Variants in FOCAD observed in about 807,000 individuals in gnomAD.
FOCAD encodes the protein KIAA1797.
In FOCAD, 198 loss-of-function variants were observed where a neutral mutation model predicts 225.6. The observed-to-expected ratio is 0.88, with a 90% CI of 0.78 to 0.99. The LOEUF is 0.99. FOCAD is among the 50% of genes least tolerant of loss of function. The pLI is 0.00. For missense variants in FOCAD, 2,713 were observed against 2,123.6 expected, an observed-to-expected ratio of 1.28 and a Z score of -5.46; for synonymous variants, 897 against 755.0, an observed-to-expected ratio of 1.19 and a Z score of -3.08.
intron 15 of FOCAD, among the ~76,000 whole-genome samples, chr9:20,851,530 A>T (rs911983678): frequency 6.6e-6 from 1 of 151,724 alleles, no homozygotes; most frequent in Non-Finnish European, 1.5e-5. Flanking sequence ...CTAATTTCCT[A>T]CCCGTTTTGA....
chr9:20,944,864 C>T (rs1157355810), intron 29 of FOCAD, 90 bp downstream of exon 29: 19 of 1,337,402 alleles, frequency 1.4e-5, no homozygotes, highest in Non-Finnish European at 1.7e-5. Context: ...TTTGGTAACC[C>T]TATAAATTAA....
chr9:20,730,149 A>T (rs1321310288), intron 4 of FOCAD, among the ~76,000 whole-genome samples: 1 of 152,030 alleles, frequency 6.6e-6, no homozygotes, highest in East Asian at 1.9e-4. Flanking sequence ...CTTAGGTGGG[A>T]TTGTGTTCTT....
In FOCAD at chr9:20,820,386, T is replaced by C. The variant is rs1824190633; in HGVS notation, c.1623T>C (p.Ala541=). Residue 541 remains alanine, a synonymous_variant, in exon 13 of 44, where the codon GCT becomes GCC. Transcript: ENST00000338382. ...QLLGTTPRLR[A]VTLRLLTSLW... ...TTGGAACCACACCACGACTAAGAGC[T>C]GTCACTTTGCGCTTGCTGACATCTT... 6.2e-7 allele frequency: 1 copy of C among 1,612,844 alleles called. No homozygotes were observed. The highest frequency in any genetic ancestry group is 8.5e-7 in the Non-Finnish European group (1 of 1,179,354).
chr9:20,662,924 A>G (rs1821777885), intron 2 of FOCAD, among the ~76,000 whole-genome samples: 1 of 152,252 alleles, frequency 6.6e-6, no homozygotes, highest in Non-Finnish European at 1.5e-5. Context: ...ATAACATAAT[A>G]GAAAATTATT....
rs188287490 is a variant in FOCAD at position 20,944,689 on chromosome 9, A to G, written c.3470A>G (p.Gln1157Arg). The change falls in exon 29 of 44, where the codon CAG (glutamine) becomes CGG (arginine). Residue 1157 changes from glutamine (Q) to arginine (R), a missense_variant. Transcript: ENST00000338382. The stretch of plus-strand genomic sequence containing the variant: ...CTCATGAGCCACAGCAGCCAAATGC[A>G]GTCCCGCGTTCACGTAGCAGCATTG... Reference protein sequence around the residue: ...LSLMSHSSQMQSRVHVAALLR... With the variant: ...LSLMSHSSQMRSRVHVAALLR... 11 of 1,614,156 alleles carry G rather than the reference A, an allele frequency of 6.8e-6. No homozygotes were observed. The East Asian group carries it at 2.0e-4, about 29-fold the overall frequency.
chr9:20,789,107 G>A (rs1020122163), intron 10 of FOCAD, among the ~76,000 whole-genome samples: 5 of 152,110 alleles, frequency 3.3e-5, no homozygotes, highest in African/African-American at 1.2e-4. Context: ...AATGGGGAAT[G>A]AATGGTAAAT....
chr9:20,700,038 G>C (rs1191839018), intron 1 of FOCAD, among the ~76,000 whole-genome samples: 2 of 151,246 alleles, frequency 1.3e-5, no homozygotes, highest in Non-Finnish European at 2.9e-5. Flanking sequence ...CTCCTGCCCA[G>C]GATGATTGCA....
intron 11 of FOCAD, among the ~76,000 whole-genome samples, chr9:20,795,074 A>C (rs1250125979): frequency 6.6e-6 from 1 of 152,190 alleles, no homozygotes; most frequent in Non-Finnish European, 1.5e-5. Flanking sequence ...CCCTGGACCT[A>C]AAATCCTAGC....
chr9:20,733,180 C>T (rs892774864), intron 4 of FOCAD, among the ~76,000 whole-genome samples: 8 of 152,042 alleles, frequency 5.3e-5, no homozygotes, highest in African/African-American at 9.7e-5. Context: ...AGTCTAATTC[C>T]AGTCCCTAAA....
chr9:20,735,510 CCTCTTTTCCTT>C (rs1008546142), intron 4 of FOCAD, among the ~76,000 whole-genome samples: 5 of 150,912 alleles, frequency 3.3e-5, no homozygotes, highest in Admixed American at 6.6e-5. Flanking sequence ...CCCTTCCCCT[CCTCTTTTCCTT>C]CTCTTTTCCT....
chr9:20,874,863 G>C lies in FOCAD; in HGVS notation c.2317+56G>C, dbSNP rs997195127. On this transcript the variant is annotated intron_variant, in intron 19 of 43. Coordinates refer to ENST00000338382, the MANE Select transcript of FOCAD (RefSeq NM_001375567.1). Reference sequence around the variant, plus strand: ...CATTTTTTAGTGGTTCGATTTGTCTGATTGTATTCTTTTGTGATAGGTACA... The same window carrying C: ...CATTTTTTAGTGGTTCGATTTGTCTCATTGTATTCTTTTGTGATAGGTACA... 4 of 1,605,060 alleles carry C rather than the reference G, an allele frequency of 2.5e-6. No individual in the cohort carries two copies. In the African/African-American group the frequency reaches 5.4e-5, roughly 22 times the overall value.
intron 10 of FOCAD, among the ~76,000 whole-genome samples, chr9:20,786,070 C>T (rs1326911472): frequency 6.6e-6 from 1 of 152,096 alleles, no homozygotes; most frequent in African/African-American, 2.4e-5. Flanking sequence ...TCTGGATTAC[C>T]CAGGTAGTGA....
chr9:20,877,131 TATAGA>T (rs1564101749), intron 19 of FOCAD, among the ~76,000 whole-genome samples: 1 of 55,606 alleles, frequency 1.8e-5, no homozygotes, highest in East Asian at 6.6e-4. Context: ...TAACTTAAAC[TATAGA>T]CCGATGTGAA....
chr9:20,751,102 T>G (rs1026023624), intron 5 of FOCAD, among the ~76,000 whole-genome samples: 1 of 152,068 alleles, frequency 6.6e-6, no homozygotes, highest in African/African-American at 2.4e-5. Context: ...AACTTTTGAT[T>G]CTTTTAATTC....
chr9:20,862,215 A>G (rs1828833506), intron 15 of FOCAD, among the ~76,000 whole-genome samples: 1 of 152,018 alleles, frequency 6.6e-6, no homozygotes, highest in African/African-American at 2.4e-5. Flanking sequence ...ATGGGCTAGC[A>G]TTATCTTACC....
chr9:20,801,588 C>A (rs1299705857), intron 11 of FOCAD, among the ~76,000 whole-genome samples: 1 of 152,038 alleles, frequency 6.6e-6, no homozygotes, highest in Non-Finnish European at 1.5e-5. Context: ...TAATAGGGGC[C>A]ATTTTTTATT....
At chr9:20,710,343 C>T (rs772424647) in intron 1 of FOCAD, among the ~76,000 whole-genome samples, 5 of 148,004 alleles carry the variant, frequency 3.4e-5, no homozygotes, top group South Asian at 4.3e-4. Context: ...CACCTGTAAT[C>T]GCAGCACTTT....
At chr9:20,682,047 G>T (rs1043315495), upstream of FOCAD, among the ~76,000 whole-genome samples, 1 of 152,176 alleles carries the variant, frequency 6.6e-6, no homozygotes, top group Non-Finnish European at 1.5e-5. Context: ...GAGGACTCCT[G>T]TCGTGCCCTT....
At chr9:20,776,221 G>A (rs1356376679) in intron 8 of FOCAD, among the ~76,000 whole-genome samples, 1 of 152,208 alleles carries the variant, frequency 6.6e-6, no homozygotes, top group African/African-American at 2.4e-5. Context: ...TATTGTTGCC[G>A]ATTTGTCAGC....
Sources: allele counts gnomAD v4.1 joint callset (sites outside exome capture counted in the v4.1 genomes callset), GRCh38; gene constraint gnomAD v4.1.1; transcripts MANE v1.5; gene names NCBI Gene and HGNC (gene_info 2026-07-23, HGNC 2026-07-21).